Variants in GALNTL6 observed in about 807,000 individuals in gnomAD.
GALNTL6 encodes the protein polypeptide N-acetylgalactosaminyltransferase-like 6.
In GALNTL6, 46 loss-of-function variants were observed where a neutral mutation model predicts 73.7. The ratio of observed to expected loss-of-function variants is 0.62; its 90% CI spans 0.49 to 0.80. GALNTL6 has a LOEUF of 0.80. GALNTL6 is among the 30% of genes least tolerant of loss of function. The pLI is 0.00. For synonymous variants in GALNTL6, 259 were observed against 263.7 expected, an observed-to-expected ratio of 0.98 and a Z score of 0.17; for missense variants, 604 against 755.0, an observed-to-expected ratio of 0.80 and a Z score of 2.34.
At chr4:172,862,041 C>A (rs1487814843) in intron 7 of GALNTL6, among the ~76,000 whole-genome samples, 1 of 152,136 alleles carries the variant, frequency 6.6e-6, no homozygotes, top group African/African-American at 2.4e-5. Flanking sequence ...GAGGTTGGAA[C>A]TGTTTGGAGG....
At chr4:172,798,829 A>C (rs1740436679) in intron 5 of GALNTL6, among the ~76,000 whole-genome samples, 1 of 152,210 alleles carries the variant, frequency 6.6e-6, no homozygotes, top group South Asian at 2.1e-4. Context: ...TTTTTCCTCT[A>C]AAGGCTTTAG....
chr4:172,050,764 G>A (rs563136780), intron 2 of GALNTL6, among the ~76,000 whole-genome samples: 18 of 152,244 alleles, frequency 1.2e-4, no homozygotes, highest in African/African-American at 4.3e-4. Flanking sequence ...GTCCCTGGAA[G>A]AAACTCAAGA....
intron 2 of GALNTL6, among the ~76,000 whole-genome samples, chr4:171,825,936 T>C (rs553075725): frequency 6.6e-6 from 1 of 152,298 alleles, no homozygotes; most frequent in South Asian, 2.1e-4. Context: ...TATTGCTCTT[T>C]GTTGTCATTG....
At chr4:172,529,771 T>C (rs773369805) in intron 5 of GALNTL6, among the ~76,000 whole-genome samples, 9 of 152,022 alleles carry the variant, frequency 5.9e-5, no homozygotes, top group Non-Finnish European at 1.2e-4. Flanking sequence ...CTGCAATGTC[T>C]GCCTCTTGGG....
intron 7 of GALNTL6, among the ~76,000 whole-genome samples, chr4:172,826,073 T>C (rs1579532480): frequency 6.6e-6 from 1 of 152,258 alleles, no homozygotes; most frequent in South Asian, 2.1e-4. Flanking sequence ...AAATGAGCCT[T>C]GCAAAGCCCT....
intron 2 of GALNTL6, among the ~76,000 whole-genome samples, chr4:171,850,679 T>G (rs1735501083): frequency 6.6e-6 from 1 of 152,184 alleles, no homozygotes; most frequent in Admixed American, 6.5e-5. Context: ...TTATGATCTC[T>G]GTTTTAATGT....
intron 2 of GALNTL6, among the ~76,000 whole-genome samples, chr4:172,210,667 T>C (rs570686352): frequency 6.6e-6 from 1 of 152,272 alleles, no homozygotes; most frequent in South Asian, 2.1e-4. Flanking sequence ...CTTGATAATG[T>C]TTGTCCACTA....
chr4:172,197,014 T>G (rs1735795444), intron 2 of GALNTL6, among the ~76,000 whole-genome samples: 1 of 152,184 alleles, frequency 6.6e-6, no homozygotes, highest in African/African-American at 2.4e-5. Context: ...TGTTTGCATA[T>G]GACATGATTC....
chr4:172,948,893 C>G (rs1749303655), intron 9 of GALNTL6, among the ~76,000 whole-genome samples: 1 of 152,174 alleles, frequency 6.6e-6, no homozygotes, highest in African/African-American at 2.4e-5. Flanking sequence ...CCCTTGGTGA[C>G]AGCTTTCCAA....
At position 171,987,282 on chromosome 4, in the gene GALNTL6, G is replaced by A. The variant is rs190010637; in HGVS notation, c.138+172564G>A. On this transcript the variant is annotated intron_variant, in intron 2 of 12. Transcript: ENST00000506823. ...CTACTTTTCCTGAAGACGGAGGACC[G>A]TAAGGGATATAAAGGTTTGACTGAA... 2.8e-4 allele frequency among the ~76,000 whole-genome samples: 43 copies of A among 152,272 alleles called. No homozygotes were observed. In the East Asian group the frequency reaches 7.2e-3, roughly 25 times the overall value.
chr4:171,930,451 G>A (rs532642526), intron 2 of GALNTL6, among the ~76,000 whole-genome samples: 1 of 152,256 alleles, frequency 6.6e-6, no homozygotes, highest in East Asian at 1.9e-4. Flanking sequence ...GACATAGGAA[G>A]TATTTAACTT....
At chr4:171,891,285 G>C (rs958088558) in intron 2 of GALNTL6, among the ~76,000 whole-genome samples, 29 of 152,156 alleles carry the variant, frequency 1.9e-4, no homozygotes, top group African/African-American at 6.5e-4. Flanking sequence ...CATATCTAGG[G>C]TAACCAAGGC....
intron 5 of GALNTL6, among the ~76,000 whole-genome samples, chr4:172,491,357 CA>C (rs968776197): frequency 6.6e-6 from 1 of 151,976 alleles, no homozygotes; most frequent in Non-Finnish European, 1.5e-5. Context: ...CAAACAAAAA[CA>C]AAAGGTGAGG....
intron 5 of GALNTL6, among the ~76,000 whole-genome samples, chr4:172,372,411 A>G (rs192899018): frequency 6.6e-6 from 1 of 152,308 alleles, no homozygotes; most frequent in Non-Finnish European, 1.5e-5. Flanking sequence ...CTAGTATGCC[A>G]TTGACATTAT....
intron 5 of GALNTL6, among the ~76,000 whole-genome samples, chr4:172,578,308 T>C (rs1050647222): frequency 2.0e-5 from 3 of 152,262 alleles, no homozygotes; most frequent in African/African-American, 7.2e-5. Context: ...ATTTCAAATC[T>C]GCCACACTGA....
intron 2 of GALNTL6, among the ~76,000 whole-genome samples, chr4:172,220,237 A>C (rs1324947334): frequency 6.6e-6 from 1 of 151,726 alleles, no homozygotes; most frequent in South Asian, 2.1e-4. Flanking sequence ...TCACTGATAA[A>C]TCCCAAGTAC....
chr4:171,940,068 C>A (rs1034851116), intron 2 of GALNTL6, among the ~76,000 whole-genome samples: 3 of 151,862 alleles, frequency 2.0e-5, no homozygotes, highest in Admixed American at 6.6e-5. Context: ...ATGACTGTTT[C>A]TTCCTCTATA....
chr4:172,818,747 C>T (rs948128950), intron 7 of GALNTL6, among the ~76,000 whole-genome samples: 14 of 152,172 alleles, frequency 9.2e-5, no homozygotes, highest in African/African-American at 2.2e-4. Context: ...TACAGGAGCA[C>T]GCCACCATGC....
chr4:172,673,875 G>C lies in GALNTL6; in HGVS notation c.554-135486G>C, dbSNP rs115487126. 4.2e-3 allele frequency among the ~76,000 whole-genome samples: 641 copies of C among 152,246 alleles called. 4 individuals are homozygous for C. Among genetic ancestry groups the C allele is most frequent in the African/African-American group, 0.014 (564 of 41,536 alleles). ...AGCTTATGTGTGTCATTACATGTGAGGTGGGTCTCTTGAAGACAGCATACC... is the reference window on the plus strand; with the variant it reads ...AGCTTATGTGTGTCATTACATGTGACGTGGGTCTCTTGAAGACAGCATACC... On this transcript the variant is annotated intron_variant, in intron 5 of 12. Coordinates refer to ENST00000506823, the MANE Select transcript of GALNTL6 (RefSeq NM_001034845.3).
Sources: gnomAD v4.1 joint callset for allele counts (sites outside exome capture counted in the v4.1 genomes callset) on GRCh38, gnomAD v4.1.1 for gene constraint, MANE v1.5 for transcripts, NCBI Gene and HGNC (gene_info 2026-07-23, HGNC 2026-07-21) for gene names.